Variants in INSYN2A observed in about 807,000 individuals in gnomAD.
INSYN2A encodes the protein inhibitory synaptic factor 2A.
INSYN2A carries 17 observed loss-of-function variants against 39.4 expected under a neutral mutation model. The ratio of observed to expected loss-of-function variants is 0.43; its 90% CI spans 0.30 to 0.65. The LOEUF (loss-of-function observed/expected upper bound fraction) is 0.65, where lower values mean the gene tolerates loss of function less well. Among genes scored for constraint, INSYN2A ranks in the 30% least tolerant of loss-of-function variants. The pLI, the probability that INSYN2A is intolerant of heterozygous loss-of-function variation, is 0.14. For synonymous variants in INSYN2A, 255 were observed against 265.7 expected, an observed-to-expected ratio of 0.96 and a Z score of 0.39; for missense variants, 595 against 631.2, an observed-to-expected ratio of 0.94 and a Z score of 0.61.
rs376061425 is a variant in INSYN2A at position 127,175,533 on chromosome 10, C to T, written c.863G>A (p.Arg288Gln). ...QWSLCPADDE[R>Q]RRATHLNGLQ... ...CCCGTTGAGATGTGTGGCTCTCCTC[C>T]GCTCGTCATCTGCCGGGCAGAGTGA... Residue 288 changes from arginine to glutamine, a missense_variant, in exon 4 of 6, where the codon CGG becomes CAG. Around this residue, in one of 2 missense-constraint regions of INSYN2A, gnomAD observed 478 missense variants for 467.4 expected, o/e 1.02. Transcript: ENST00000522781. This position sits in a 1 kb window ranked among gnomAD's most constrained non-coding sequence, Gnocchi z 6.3. The T allele has an allele frequency of 4.0e-5, 64 of 1,610,120 alleles. No individual in the cohort carries two copies. In the African/African-American group the frequency reaches 6.0e-4, roughly 15 times the overall value.
intron 5 of INSYN2A, chr10:127,146,111 A>G (rs1290781598): frequency 1.2e-5 from 6 of 502,832 alleles, no homozygotes; most frequent in African/African-American, 9.8e-5. Flanking sequence ...TCATCTAAAC[A>G]TGAATTATCT....
chr10:127,190,703 T>C (rs1159980967), intron 2 of INSYN2A, among the ~76,000 whole-genome samples: 1 of 102,562 alleles, frequency 9.8e-6, no homozygotes, highest in Non-Finnish European at 1.9e-5. Flanking sequence ...GGCTCCCAGA[T>C]TTCTGTTGCC....
chr10:127,183,541 G>A (rs757153222), intron 2 of INSYN2A, among the ~76,000 whole-genome samples: 4 of 152,188 alleles, frequency 2.6e-5, no homozygotes, highest in Non-Finnish European at 5.9e-5. Flanking sequence ...CAAATGTAGA[G>A]AAAATAACCT....
Position 127,136,513 on chromosome 10 carries a change from T to A in INSYN2A, c.*1324A>T, listed in dbSNP as rs1314920664. On this transcript the variant is annotated 3_prime_UTR_variant, in exon 6 of 6. Coordinates refer to ENST00000522781, the MANE Select transcript of INSYN2A (RefSeq NM_001039762.3). Reference sequence around the variant, plus strand: ...AAAAAAGGCAAAGTAAGATCCCTACTTCCTATTGTGAAAATCAAAAAATTG... The same window carrying A: ...AAAAAAGGCAAAGTAAGATCCCTACATCCTATTGTGAAAATCAAAAAATTG... 6.7e-6 allele frequency: 1 copy of A among 149,914 alleles called. No homozygotes were observed. The highest frequency in any genetic ancestry group is 1.5e-5 in the Non-Finnish European group (1 of 67,626). 9.3% of individuals were successfully genotyped at this position (149,914 alleles called of 1,614,324 possible).
chr10:127,152,088 A>G (rs1174356885), intron 5 of INSYN2A, among the ~76,000 whole-genome samples: 1 of 151,982 alleles, frequency 6.6e-6, no homozygotes, highest in Non-Finnish European at 1.5e-5. Context: ...CTCTGAACCT[A>G]CCCTGGATGT....
chr10:127,164,663 TA>T (rs1268670208), intron 4 of INSYN2A, among the ~76,000 whole-genome samples: 4 of 152,242 alleles, frequency 2.6e-5, no homozygotes, highest in Non-Finnish European at 1.5e-5. Flanking sequence ...TGAACACTAT[TA>T]TTAAGGCAGG....
At chr10:127,146,943 TC>T (rs1178969231) in intron 5 of INSYN2A, among the ~76,000 whole-genome samples, 1 of 152,174 alleles carries the variant, frequency 6.6e-6, no homozygotes, top group East Asian at 1.9e-4. Context: ...TGACCAGCTT[TC>T]TTTTTGCAAT....
intron 5 of INSYN2A, among the ~76,000 whole-genome samples, chr10:127,151,023 A>G (rs1452148448): frequency 2.0e-5 from 3 of 152,212 alleles, no homozygotes; most frequent in Non-Finnish European, 4.4e-5. Flanking sequence ...TAAGTTAGGT[A>G]CGTGTCAATT....
intron 5 of INSYN2A, among the ~76,000 whole-genome samples, chr10:127,150,691 A>G (rs944039408): frequency 1.3e-5 from 2 of 152,224 alleles, no homozygotes; most frequent in African/African-American, 2.4e-5. Flanking sequence ...ATGTCATGCA[A>G]ACCACTGAGG....
chr10:127,145,318 A>AC (rs2051703850), intron 5 of INSYN2A, among the ~76,000 whole-genome samples: 3 of 152,176 alleles, frequency 2.0e-5, no homozygotes, highest in Admixed American at 1.3e-4. Flanking sequence ...ACACCCCATG[A>AC]CTAACAGCAC....
At chr10:127,146,157 A>C (rs1234841044) in intron 5 of INSYN2A, 5 of 421,654 alleles carry the variant, frequency 1.2e-5, no homozygotes, top group Non-Finnish European at 2.3e-5. Flanking sequence ...TAGTCCCCTC[A>C]TGCTGTTTTG....
chr10:127,142,884 G>A (rs978241233), intron 5 of INSYN2A, among the ~76,000 whole-genome samples: 1 of 152,132 alleles, frequency 6.6e-6, no homozygotes, highest in Non-Finnish European at 1.5e-5. Flanking sequence ...TTAAGTGTGG[G>A]GACTTTCTTA....
At chr10:127,182,042 G>A (rs919315089) in intron 2 of INSYN2A, among the ~76,000 whole-genome samples, 3 of 152,154 alleles carry the variant, frequency 2.0e-5, no homozygotes, top group African/African-American at 7.2e-5. Context: ...AGACACCCTT[G>A]TGTGACTGAG....
chr10:127,140,735 C>T (rs2051160341), intron 5 of INSYN2A, among the ~76,000 whole-genome samples: 1 of 150,970 alleles, frequency 6.6e-6, no homozygotes, highest in Non-Finnish European at 1.5e-5. Flanking sequence ...ACGGTCTGGC[C>T]AACTCTGGCT....
Position 127,156,377 on chromosome 10 carries a change from T to C in INSYN2A, c.1185-2454A>G, listed in dbSNP as rs1337261836. On this transcript the variant is annotated intron_variant, in intron 4 of 5. Coordinates refer to ENST00000522781, the MANE Select transcript of INSYN2A (RefSeq NM_001039762.3). ...GGCTGGTGTTCTGCACCACATGTAA[T>C]TGGCAGCTTGGGATAGGCAATGAAC... 2.0e-5 allele frequency among the ~76,000 whole-genome samples: 3 copies of C among 152,100 alleles called. No homozygotes were observed. In the East Asian group the frequency reaches 5.8e-4, roughly 29 times the overall value.
At chr10:127,168,729 C>T (rs1187959527) in intron 4 of INSYN2A, among the ~76,000 whole-genome samples, 1 of 152,220 alleles carries the variant, frequency 6.6e-6, no homozygotes, top group Non-Finnish European at 1.5e-5. Context: ...GCCCAGCTTT[C>T]CCCTTGGCTC....
intron 4 of INSYN2A, among the ~76,000 whole-genome samples, chr10:127,158,696 A>G (rs1044761654): frequency 2.6e-5 from 4 of 152,228 alleles, no homozygotes; most frequent in Admixed American, 1.3e-4. Context: ...GAAAAGTTCT[A>G]GTCTTCATTT....
intron 4 of INSYN2A, among the ~76,000 whole-genome samples, chr10:127,170,336 C>T (rs2054452917): frequency 1.3e-5 from 2 of 152,212 alleles, no homozygotes; most frequent in African/African-American, 2.4e-5. Context: ...CTCTTGCTCT[C>T]TCCCCCTACC....
intron 4 of INSYN2A, among the ~76,000 whole-genome samples, chr10:127,169,092 G>A (rs2054334542): frequency 6.6e-6 from 1 of 152,154 alleles, no homozygotes; most frequent in African/African-American, 2.4e-5. Flanking sequence ...AACATGTTCT[G>A]TGATGGCTTT....
Sources: allele counts gnomAD v4.1 joint callset (sites outside exome capture counted in the v4.1 genomes callset), GRCh38; gene constraint gnomAD v4.1.1; regional missense constraint gnomAD v4.1.1; non-coding constraint Gnocchi (gnomAD v3.1); transcripts MANE v1.5; gene names NCBI Gene and HGNC (gene_info 2026-07-23, HGNC 2026-07-21).